Variants in SLCO3A1 observed in about 807,000 individuals in gnomAD.
SLCO3A1 encodes the protein solute carrier organic anion transporter family member 3A1.
In SLCO3A1, 27 loss-of-function variants were observed where a neutral mutation model predicts 63.1. That is an observed-to-expected ratio of 0.43 (90% CI 0.32 to 0.59). The LOEUF (loss-of-function observed/expected upper bound fraction) is 0.59, where lower values mean the gene tolerates loss of function less well. Ranked by LOEUF, SLCO3A1 falls within the 20% of genes least tolerant of loss-of-function variation. The pLI is 0.09. For missense variants in SLCO3A1, 773 were observed against 945.8 expected (o/e 0.82, Z 2.40); for synonymous variants, 473 against 409.9 (o/e 1.15, Z -1.86).
chr15:92,128,862 G>T (rs560720611), intron 7 of SLCO3A1, among the ~76,000 whole-genome samples: 1 of 152,294 alleles, frequency 6.6e-6, no homozygotes, highest in Non-Finnish European at 1.5e-5. Context: ...TATCAGGAAA[G>T]ACTTCTTCCA....
At position 91,862,278 on chromosome 15, in the gene SLCO3A1, C is replaced by T. The variant is rs145432652; in HGVS notation, c.180+8190C>T. 1.4e-3 allele frequency among the ~76,000 whole-genome samples: 211 copies of T among 152,172 alleles called. No homozygotes were observed. Among genetic ancestry groups the T allele is most frequent in the Non-Finnish European group, 2.3e-3 (155 of 67,992 alleles). ...AAGCAATTCTCCTGCCTCAGCCTCC[C>T]CAGTAGCTGGGACTACAGGCGCGTA... On this transcript the variant is annotated intron_variant, in intron 1 of 9. Coordinates refer to ENST00000318445, the MANE Select transcript of SLCO3A1 (RefSeq NM_013272.4). This position sits in a 1 kb window ranked among gnomAD's most constrained non-coding sequence, Gnocchi z 4.0.
chr15:91,923,137 C>T (rs1299575601), intron 2 of SLCO3A1, among the ~76,000 whole-genome samples: 1 of 152,142 alleles, frequency 6.6e-6, no homozygotes, highest in African/African-American at 2.4e-5. Flanking sequence ...TTTGCCTTTT[C>T]AGTAAAATGG....
At chr15:91,887,172 C>G (rs1191816857) in intron 1 of SLCO3A1, among the ~76,000 whole-genome samples, 1 of 152,172 alleles carries the variant, frequency 6.6e-6, no homozygotes, top group Non-Finnish European at 1.5e-5. Flanking sequence ...CAGAGTTAAT[C>G]CAGAGTGGGC....
chr15:92,103,912 C>T (rs546650639), intron 3 of SLCO3A1, among the ~76,000 whole-genome samples: 21 of 152,234 alleles, frequency 1.4e-4, no homozygotes, highest in Non-Finnish European at 2.6e-4. Context: ...TGAATATACC[C>T]GGTGAAAATC....
At chr15:92,062,899 A>G in intron 2 of SLCO3A1, among the ~76,000 whole-genome samples, 1 of 152,180 alleles carries the variant, frequency 6.6e-6, no homozygotes, top group East Asian at 1.9e-4. Context: ...CGCCTCCTGC[A>G]GGTCCCTCTC....
In SLCO3A1 at chr15:92,147,042, C is replaced by T. The variant is rs751860774; in HGVS notation, c.1571C>T (p.Pro524Leu). ...CCTGCTGAGAACGCAACCGTGGTTCCTGGAAAATGCCCCAGTCCTGGGTGC... is the reference window on the plus strand; with the variant it reads ...CCTGCTGAGAACGCAACCGTGGTTCTTGGAAAATGCCCCAGTCCTGGGTGC... ...TVPAENATVVPGKCPSPGCQE... is the reference protein window; with the variant it reads ...TVPAENATVVLGKCPSPGCQE... Residue 524 changes from proline (P) to leucine (L), a missense_variant, in exon 8 of 10, where the codon CCT becomes CTT. By Grantham distance (98) the Pro-to-Leu change is moderately conservative. This residue lies in a region of SLCO3A1 where 565 missense variants were observed against 749.8 expected (regional missense o/e 0.75). Transcript: ENST00000318445. The T allele has an allele frequency of 1.2e-6, 2 of 1,614,212 alleles. No homozygotes were observed. The highest frequency in any genetic ancestry group is 2.2e-5 in the South Asian group (2 of 91,086).
intron 2 of SLCO3A1, among the ~76,000 whole-genome samples, chr15:91,944,874 TC>T (rs1403776195): frequency 6.6e-6 from 1 of 152,142 alleles, no homozygotes; most frequent in Admixed American, 6.6e-5. Flanking sequence ...ACCTTGCACT[TC>T]CCTTAAGCTT....
Position 91,954,988 on chromosome 15 carries a change from C to G in SLCO3A1, c.646+38530C>G, listed in dbSNP as rs1231063375. On this transcript the variant is annotated intron_variant, in intron 2 of 9. Coordinates refer to ENST00000318445, the MANE Select transcript of SLCO3A1 (RefSeq NM_013272.4). The surrounding 1 kb of genome is among the most constrained non-coding windows in gnomAD (Gnocchi z 4.7). The stretch of plus-strand genomic sequence containing the variant: ...GCTCTGATCAGATGCTCAGTTGTCT[C>G]CCTTCTCTGCTTCCCTCACTTGCCA... Among the ~76,000 whole-genome samples the G allele has an allele frequency of 6.6e-6, 1 of 152,144 alleles. No individual in the cohort carries two copies.
intron 2 of SLCO3A1, among the ~76,000 whole-genome samples, chr15:92,083,491 C>T (rs1209655744): frequency 6.6e-6 from 1 of 152,172 alleles, no homozygotes; most frequent in African/African-American, 2.4e-5. Flanking sequence ...CACCACTCTC[C>T]CAAGGACAGC....
chr15:92,133,897 T>TG (rs1023934024), intron 7 of SLCO3A1, among the ~76,000 whole-genome samples: 4 of 152,222 alleles, frequency 2.6e-5, no homozygotes, highest in African/African-American at 9.6e-5. Flanking sequence ...TCCACGAAAC[T>TG]GGTCCTTGGT....
At chr15:91,871,379 C>T (rs1306832659) in intron 1 of SLCO3A1, among the ~76,000 whole-genome samples, 2 of 152,122 alleles carry the variant, frequency 1.3e-5, no homozygotes, top group Admixed American at 1.3e-4. Flanking sequence ...GTGGGGGGCA[C>T]ACACTGCACA....
At chr15:92,088,739 A>G (rs901304721) in intron 2 of SLCO3A1, among the ~76,000 whole-genome samples, 3 of 152,128 alleles carry the variant, frequency 2.0e-5, no homozygotes, top group African/African-American at 7.2e-5. Context: ...GCTCTTTCTC[A>G]TGATGCCGTC....
chr15:92,060,154 G>A (rs1160101023), intron 2 of SLCO3A1, among the ~76,000 whole-genome samples: 1 of 152,198 alleles, frequency 6.6e-6, no homozygotes, highest in African/African-American at 2.4e-5. Flanking sequence ...GTTGCTCTGG[G>A]TGAGTCAGTG....
At chr15:92,137,204 A>C (rs1256985224) in intron 7 of SLCO3A1, among the ~76,000 whole-genome samples, 1 of 132,578 alleles carries the variant, frequency 7.5e-6, no homozygotes, top group Non-Finnish European at 1.5e-5. Context: ...ATTCCCACCT[A>C]TGAGTGAGAA....
intron 2 of SLCO3A1, among the ~76,000 whole-genome samples, chr15:91,944,481 G>T (rs1470619460): frequency 1.3e-5 from 2 of 152,106 alleles, no homozygotes; most frequent in East Asian, 3.9e-4. Flanking sequence ...GCTGCAGCGT[G>T]GGGCTCAGAG....
At chr15:92,154,588 C>T (rs1391679156) in intron 9 of SLCO3A1, among the ~76,000 whole-genome samples, 2 of 152,164 alleles carry the variant, frequency 1.3e-5, no homozygotes, top group African/African-American at 4.8e-5. Context: ...AACAGGAAGA[C>T]CCTCTTTCCA....
rs1449818550 is a variant in SLCO3A1, at chr15:91,886,631, G to A, written c.181-29362G>A. ...CTTACTGATTCCTAAGTCACCTACT[G>A]GCACACAGCACAGATGCATCCAATG... On this transcript the variant is annotated intron_variant, in intron 1 of 9. Coordinates refer to ENST00000318445, the MANE Select transcript of SLCO3A1 (RefSeq NM_013272.4). The surrounding 1 kb of genome is among the most constrained non-coding windows in gnomAD (Gnocchi z 4.9). 6.6e-6 allele frequency among the ~76,000 whole-genome samples: 1 copy of A among 152,170 alleles called. No homozygotes were observed. Among genetic ancestry groups the A allele is most frequent in the African/African-American group, 2.4e-5 (1 of 41,438 alleles).
At chr15:92,030,434 T>A (rs2046632428) in intron 2 of SLCO3A1, among the ~76,000 whole-genome samples, 1 of 152,168 alleles carries the variant, frequency 6.6e-6, no homozygotes, top group Non-Finnish European at 1.5e-5. Context: ...CCTGTATGAT[T>A]ATATTTCGTG....
intron 2 of SLCO3A1, among the ~76,000 whole-genome samples, chr15:91,963,013 A>G (rs1597163064): frequency 6.6e-6 from 1 of 152,132 alleles, no homozygotes. Context: ...ATTCCTGAAG[A>G]CCTTCCTCTG....
Sources: allele counts gnomAD v4.1 joint callset (sites outside exome capture counted in the v4.1 genomes callset), GRCh38; gene constraint gnomAD v4.1.1; regional missense constraint gnomAD v4.1.1; non-coding constraint Gnocchi (gnomAD v3.1); transcripts MANE v1.5; gene names NCBI Gene and HGNC (gene_info 2026-07-23, HGNC 2026-07-21).